Variants in GNA12 observed in about 807,000 individuals in gnomAD.
GNA12 encodes the protein G protein subunit alpha 12.
A neutral mutation model predicts 26.0 loss-of-function variants in GNA12; 9 were observed. That is an observed-to-expected ratio of 0.35 (90% CI 0.21 to 0.60). The LOEUF is 0.60. GNA12 is among the 20% of genes least tolerant of loss of function. GNA12 has a pLI of 0.78. For missense variants in GNA12, 405 were observed against 525.8 expected (o/e 0.77, Z 2.25); for synonymous variants, 264 against 219.6 (o/e 1.20, Z -1.79).
chr7:2,835,692 C>T, intron 1 of GNA12: 1 of 1,005,500 alleles, frequency 9.9e-7, no homozygotes, highest in Non-Finnish European at 1.5e-6. Flanking sequence ...AAAAGATAAA[C>T]AAATTTGCAT....
chr7:2,833,007 GAC>G (rs1778721646), intron 1 of GNA12, among the ~76,000 whole-genome samples: 1 of 152,142 alleles, frequency 6.6e-6, no homozygotes, highest in Non-Finnish European at 1.5e-5. Flanking sequence ...GCAAAACCTG[GAC>G]ACACCTGAGC....
intron 1 of GNA12, among the ~76,000 whole-genome samples, chr7:2,809,743 G>C (rs912138978): frequency 8.5e-5 from 13 of 152,128 alleles, no homozygotes; most frequent in Non-Finnish European, 1.9e-4. Flanking sequence ...AAAACTGCAA[G>C]TGACTGATAG....
intron 2 of GNA12, among the ~76,000 whole-genome samples, chr7:2,757,360 G>A (rs1045460053): frequency 3.3e-5 from 5 of 152,032 alleles, no homozygotes; most frequent in African/African-American, 1.2e-4. Context: ...TTTTAAAAGA[G>A]GTGCTCTCCT....
intron 2 of GNA12, among the ~76,000 whole-genome samples, chr7:2,773,346 T>C (rs1419984404): frequency 2.0e-5 from 3 of 152,238 alleles, no homozygotes; most frequent in Non-Finnish European, 4.4e-5. Context: ...GGTGATCACC[T>C]GAGGTTGGGA....
chr7:2,831,295 T>C (rs1793600388), intron 1 of GNA12, among the ~76,000 whole-genome samples: 1 of 151,934 alleles, frequency 6.6e-6, no homozygotes, highest in South Asian at 2.1e-4. Context: ...CATCACTCCA[T>C]ACTTTTAACA....
chr7:2,801,284 A>C (rs531808632), intron 1 of GNA12, among the ~76,000 whole-genome samples: 6 of 152,342 alleles, frequency 3.9e-5, no homozygotes, highest in African/African-American at 1.4e-4. Flanking sequence ...TAGCTTCACA[A>C]GGAGTACAAT....
chr7:2,749,785 A>G (rs189311696), intron 2 of GNA12, among the ~76,000 whole-genome samples: 66 of 152,336 alleles, frequency 4.3e-4, no homozygotes, highest in Admixed American at 8.5e-4. Flanking sequence ...GATGAACTTA[A>G]TAAGAGACTG....
At chr7:2,753,822 G>C (rs1791153035) in intron 2 of GNA12, among the ~76,000 whole-genome samples, 1 of 151,904 alleles carries the variant, frequency 6.6e-6, no homozygotes, top group Non-Finnish European at 1.5e-5. Flanking sequence ...GTTTCTTCTG[G>C]GATATCTTTT....
chr7:2,799,885 C>T (rs769964724), intron 1 of GNA12, among the ~76,000 whole-genome samples: 18 of 152,110 alleles, frequency 1.2e-4, no homozygotes, highest in African/African-American at 4.1e-4. Context: ...CAACACCAAG[C>T]GGAGGTGAGG....
chr7:2,810,397 T>G (rs1793052767), intron 1 of GNA12, among the ~76,000 whole-genome samples: 1 of 152,180 alleles, frequency 6.6e-6, no homozygotes, highest in South Asian at 2.1e-4. Context: ...ACCAGCACCT[T>G]AAGGGTTAGG....
At chr7:2,780,749 C>T (rs896753691) in intron 2 of GNA12, among the ~76,000 whole-genome samples, 3 of 152,066 alleles carry the variant, frequency 2.0e-5, no homozygotes, top group African/African-American at 4.8e-5. Context: ...ATTTTTCCTG[C>T]AGCATTCAGA....
At chr7:2,768,971 G>A (rs1284151937) in intron 2 of GNA12, among the ~76,000 whole-genome samples, 1 of 152,130 alleles carries the variant, frequency 6.6e-6, no homozygotes, top group Non-Finnish European at 1.5e-5. Context: ...CGTTGTCCGG[G>A]CTGATCTCGG....
rs1792186837 is a variant in GNA12, at chr7:2,780,052, A to ATG, written c.525+14875_525+14876insCA. On this transcript the variant is annotated intron_variant, in intron 2 of 3. Transcript: ENST00000275364. ...TAGTTTTTTACACATTTCTGTGTAC[A>ATG]TATATATATATATATATATATATAT... 4.3e-4 allele frequency among the ~76,000 whole-genome samples: 2 copies of ATG among 4,656 alleles called. 1 individual carries two copies. The highest frequency in any genetic ancestry group is 1.1e-3 in the African/African-American group (2 of 1,764). The allele number at this position is 4,656 out of a possible 152,430, so 3.1% of individuals were successfully genotyped here.
At chr7:2,836,984 C>T (rs1778857327) in intron 1 of GNA12, among the ~76,000 whole-genome samples, 1 of 152,168 alleles carries the variant, frequency 6.6e-6, no homozygotes, top group African/African-American at 2.4e-5. Flanking sequence ...ATATACCACC[C>T]ACTGAGGTTT....
At chr7:2,785,462 T>C (rs1030197330) in intron 2 of GNA12, among the ~76,000 whole-genome samples, 2 of 152,172 alleles carry the variant, frequency 1.3e-5, no homozygotes, top group African/African-American at 4.8e-5. Flanking sequence ...TAATTTAGCG[T>C]GAAAGGTTAA....
intron 2 of GNA12, among the ~76,000 whole-genome samples, chr7:2,757,198 C>T (rs1436424388): frequency 1.5e-5 from 2 of 137,190 alleles, no homozygotes; most frequent in South Asian, 2.3e-4. Context: ...TGTAGTGGCA[C>T]GATCTTGGCT....
At chr7:2,755,644 G>A (rs1030697161) in intron 2 of GNA12, among the ~76,000 whole-genome samples, 1 of 152,128 alleles carries the variant, frequency 6.6e-6, no homozygotes, top group African/African-American at 2.4e-5. Flanking sequence ...GACTTTTCTG[G>A]TAGATTCCTT....
Position 2,844,063 on chromosome 7 carries a change from C to T in GNA12, c.99G>A (p.Glu33=), listed in dbSNP as rs1583324572. 8.7e-7 allele frequency: 1 copy of T among 1,153,912 alleles called. No individual in the cohort carries two copies. Among genetic ancestry groups the T allele is most frequent in the Non-Finnish European group, 1.1e-6 (1 of 939,220 alleles). 71.5% of individuals were successfully genotyped at this position (1,153,912 alleles called of 1,614,324 possible). Residue 33 remains glutamate (E), a synonymous_variant, in exon 1 of 4, where the codon GAG becomes GAA. Transcript: ENST00000275364. ...RRAGSGARDA[E]REARRRSRDI... is the part of the protein sequence containing the mutation. ...CGCGGCTACGCCTCCGGGCCTCGCG[C>T]TCCGCGTCGCGCGCGCCGCTGCCCG... is the stretch of plus-strand genomic sequence containing the variant.
intron 1 of GNA12, among the ~76,000 whole-genome samples, chr7:2,819,381 C>T (rs1431315916): frequency 6.6e-6 from 1 of 152,176 alleles, no homozygotes; most frequent in Non-Finnish European, 1.5e-5. Context: ...ACACTGTGCC[C>T]AGACCTCTGA....
Sources: gnomAD v4.1 joint callset for allele counts (sites outside exome capture counted in the v4.1 genomes callset) on GRCh38, gnomAD v4.1.1 for gene constraint, MANE v1.5 for transcripts, NCBI Gene and HGNC (gene_info 2026-07-23, HGNC 2026-07-21) for gene names.